TXNDC16: variants seen among roughly 807,000 people sequenced by gnomAD.
TXNDC16 encodes the protein thioredoxin domain-containing protein 16.
Under a neutral mutation model 85.6 loss-of-function variants are expected in TXNDC16, and 74 were observed. The observed-to-expected ratio is 0.86, with a 90% CI of 0.72 to 1.05. TXNDC16 has a LOEUF of 1.05. Among genes scored for constraint, TXNDC16 ranks in the 50% least tolerant of loss-of-function variants. The pLI, the probability that TXNDC16 is intolerant of heterozygous loss-of-function variation, is 0.00. For synonymous variants in TXNDC16, 335 were observed against 326.5 expected (o/e 1.03, Z -0.28); for missense variants, 959 against 947.0 (o/e 1.01, Z -0.17).
At position 52,431,049 on chromosome 14, in the gene TXNDC16, A is replaced by G. The variant is rs1323422697; in HGVS notation, c.*1255T>C. On this transcript the variant is annotated 3_prime_UTR_variant, in exon 21 of 21. Coordinates refer to ENST00000281741, the MANE Select transcript of TXNDC16 (RefSeq NM_020784.3). ...AAAATACAGTAGAGCACCAAATAGA[A>G]TATTCTCAACAAATGTCTCAAAAAA... 6.6e-6 allele frequency: 1 copy of G among 152,254 alleles called. No individual in the cohort carries two copies. Among genetic ancestry groups the G allele is most frequent in the Non-Finnish European group, 1.5e-5 (1 of 68,040 alleles). 9.4% of individuals were successfully genotyped at this position (152,254 alleles called of 1,614,324 possible).
At position 52,492,446 on chromosome 14, in the gene TXNDC16, C is replaced by T. The variant is rs956256773; in HGVS notation, c.757-1441G>A. ...TAAGAGACATAGACTTCTGCCACTGCTACCCGCACCTTCTCTACCTTCCAC... is the reference window on the plus strand; with the variant it reads ...TAAGAGACATAGACTTCTGCCACTGTTACCCGCACCTTCTCTACCTTCCAC... On this transcript the variant is annotated intron_variant, in intron 9 of 20. Transcript: ENST00000281741. 3.3e-5 allele frequency among the ~76,000 whole-genome samples: 5 copies of T among 152,328 alleles called. No individual in the cohort carries two copies. In the East Asian group the frequency reaches 7.7e-4, roughly 24 times the overall value.
At position 52,521,110 on chromosome 14, in the gene TXNDC16, T is replaced by C. The variant is rs189497197; in HGVS notation, c.393-1817A>G. Among the ~76,000 whole-genome samples, 223 of 151,942 alleles carry C rather than the reference T, an allele frequency of 1.5e-3. 1 individual carries two copies. The highest frequency in any genetic ancestry group is 5.1e-3 in the African/African-American group (211 of 41,500). ...CCAAAGGAAAACTTAGTGAGAAGAA[T>C]GGTGTTTTACTTTTTTTTTTGAGAC... On this transcript the variant is annotated intron_variant, in intron 6 of 20. Coordinates refer to ENST00000281741, the MANE Select transcript of TXNDC16 (RefSeq NM_020784.3).
At chr14:52,505,236 A>G (rs1275077460) in intron 9 of TXNDC16, among the ~76,000 whole-genome samples, 2 of 152,216 alleles carry the variant, frequency 1.3e-5, no homozygotes, top group African/African-American at 4.8e-5. Flanking sequence ...ACACATCTAC[A>G]GAACTCTCCA....
chr14:52,470,190 C>T lies in TXNDC16; in HGVS notation c.1482-17G>A. 6.5e-7 allele frequency: 1 copy of T among 1,542,156 alleles called. No homozygotes were observed. Among genetic ancestry groups the T allele is most frequent in the Non-Finnish European group, 8.7e-7 (1 of 1,144,628 alleles). ...ATCCTGTTGCTGGATAAACATATAA[C>T]TATATTACAAATTAATTTTTTAAGA... On this transcript the variant is annotated splice_polypyrimidine_tract_variant and intron_variant, in intron 15 of 20. Coordinates refer to ENST00000281741, the MANE Select transcript of TXNDC16 (RefSeq NM_020784.3).
intron 6 of TXNDC16, among the ~76,000 whole-genome samples, chr14:52,529,713 C>T (rs1294540187): frequency 1.3e-4 from 14 of 104,778 alleles, no homozygotes; most frequent in Non-Finnish European, 2.1e-4. Flanking sequence ...ATATATAATG[C>T]CTATTATATA....
chr14:52,524,823 C>G (rs553185126), intron 6 of TXNDC16, among the ~76,000 whole-genome samples: 1 of 151,868 alleles, frequency 6.6e-6, no homozygotes, highest in Middle Eastern at 3.4e-3. Context: ...ACAATGAGTA[C>G]AGGTAAAGAA....
At chr14:52,493,798 A>G (rs928303185) in intron 9 of TXNDC16, among the ~76,000 whole-genome samples, 1 of 151,860 alleles carries the variant, frequency 6.6e-6, no homozygotes, top group East Asian at 1.9e-4. Context: ...TTTTTTTCCA[A>G]GATAGAGTCT....
chr14:52,487,954 C>A (rs187894014), intron 12 of TXNDC16, among the ~76,000 whole-genome samples: 203 of 152,276 alleles, frequency 1.3e-3, no homozygotes, highest in Admixed American at 3.0e-3. Flanking sequence ...ATACCATTAA[C>A]AACTGGATTT....
chr14:52,454,575 A>T (rs901164951), intron 18 of TXNDC16, among the ~76,000 whole-genome samples: 4 of 148,328 alleles, frequency 2.7e-5, no homozygotes, highest in Non-Finnish European at 5.9e-5. Context: ...AGGCCGAGGC[A>T]GGCGGATCAC....
intron 20 of TXNDC16, among the ~76,000 whole-genome samples, chr14:52,433,315 CAT>C (rs1435387748): frequency 5.3e-5 from 8 of 152,088 alleles, no homozygotes; most frequent in South Asian, 2.1e-4. Context: ...AGGCTGATAA[CAT>C]AGAGATAAAT....
chr14:52,509,471 G>T (rs990851049), intron 9 of TXNDC16, among the ~76,000 whole-genome samples: 1 of 145,168 alleles, frequency 6.9e-6, no homozygotes, highest in Non-Finnish European at 1.5e-5. Context: ...TGAAAGGAAC[G>T]AAAGACCTTT....
intron 9 of TXNDC16, among the ~76,000 whole-genome samples, chr14:52,500,106 C>T (rs114842891): frequency 6.6e-6 from 1 of 152,116 alleles, no homozygotes; most frequent in Non-Finnish European, 1.5e-5. Flanking sequence ...AGCAATCCCA[C>T]TTCTGGGTAT....
At chr14:52,533,901 A>G (rs1407363534) in intron 6 of TXNDC16, among the ~76,000 whole-genome samples, 1 of 152,202 alleles carries the variant, frequency 6.6e-6, no homozygotes, top group African/African-American at 2.4e-5. Context: ...AAATGGAGGT[A>G]GCGGGGCTAG....
chr14:52,552,040 G>C (rs8009184), intron 1 of TXNDC16, among the ~76,000 whole-genome samples: 17,526 of 152,168 alleles, frequency 0.12, 1,126 homozygotes, highest in South Asian at 0.15. Flanking sequence ...GGAGGAAAGG[G>C]TCTTTCACTT....
At chr14:52,477,247 C>T (rs900225548) in intron 14 of TXNDC16, among the ~76,000 whole-genome samples, 12 of 151,998 alleles carry the variant, frequency 7.9e-5, no homozygotes, top group South Asian at 6.2e-4. Flanking sequence ...CTCACAGGAC[C>T]GACAAAACAG....
At chr14:52,464,744 C>T (rs1017018931) in intron 16 of TXNDC16, among the ~76,000 whole-genome samples, 7 of 151,976 alleles carry the variant, frequency 4.6e-5, no homozygotes, top group African/African-American at 1.5e-4. Flanking sequence ...CCAGCCTGGC[C>T]AACACAGTGA....
intron 16 of TXNDC16, among the ~76,000 whole-genome samples, chr14:52,459,762 A>G (rs530061806): frequency 5.9e-5 from 9 of 152,352 alleles, no homozygotes; most frequent in African/African-American, 1.7e-4. Context: ...TTAGTTCAAC[A>G]TATGCAAATC....
chr14:52,512,126 G>A (rs1191528185), intron 8 of TXNDC16, among the ~76,000 whole-genome samples: 1 of 152,102 alleles, frequency 6.6e-6, no homozygotes, highest in East Asian at 1.9e-4. Flanking sequence ...AAGGTTCACT[G>A]ATTTCAAATT....
chr14:52,518,604 C>T (rs541248583), intron 7 of TXNDC16, among the ~76,000 whole-genome samples: 1 of 152,288 alleles, frequency 6.6e-6, no homozygotes, highest in African/African-American at 2.4e-5. Context: ...AGCCACCCAG[C>T]ATCATCTCTT....
Sources: allele counts gnomAD v4.1 joint callset (sites outside exome capture counted in the v4.1 genomes callset), GRCh38; gene constraint gnomAD v4.1.1; transcripts MANE v1.5; gene names NCBI Gene and HGNC (gene_info 2026-07-23, HGNC 2026-07-21).